The following MTRF1 variants were observed in gnomAD, a reference collection of about 807,000 sequenced individuals.
MTRF1 encodes the protein peptide chain release factor 1, mitochondrial.
Under a neutral mutation model 62.9 loss-of-function variants are expected in MTRF1, and 51 were observed. The ratio of observed to expected loss-of-function variants is 0.81; its 90% CI spans 0.65 to 1.02. The LOEUF is 1.02. Among genes scored for constraint, MTRF1 ranks in the 50% least tolerant of loss-of-function variants. The probability of loss-of-function intolerance (pLI) is 0.00; values close to 1 mark genes in which losing one functional copy is unlikely to be tolerated. For missense variants in MTRF1, 446 were observed against 530.0 expected (o/e 0.84, Z 1.56); for synonymous variants, 158 against 181.9 (o/e 0.87, Z 1.06).
At chr13:41,258,081 C>T (rs890108804) in intron 2 of MTRF1, among the ~76,000 whole-genome samples, 1 of 152,212 alleles carries the variant, frequency 6.6e-6, no homozygotes, top group Non-Finnish European at 1.5e-5. Flanking sequence ...TTCTACTATA[C>T]ACAAGCAACC....
chr13:41,311,616 G>C, the MTRF1 span: 2 of 1,587,216 alleles, frequency 1.3e-6, no homozygotes, highest in South Asian at 1.1e-5. Flanking sequence ...CCGCCCCCCG[G>C]TCCCCGGGTC....
rs1353963105 is a variant in MTRF1, at chr13:41,233,974, T to C, written c.904A>G (p.Ile302Val). The C allele has an allele frequency of 2.1e-5, 34 of 1,614,032 alleles. No homozygotes were observed. Among genetic ancestry groups the C allele is most frequent in the Non-Finnish European group, 2.9e-5 (34 of 1,179,992 alleles). Residue 302 changes from isoleucine to valine, a missense_variant, in exon 7 of 10, where the codon ATA becomes GTA. Ile to Val is a conservative substitution (Grantham distance 29). Transcript: ENST00000379480. ...GCTCCTTTGGCTCGAAATGTATCTATTCGCAAATCCTTGGGGTCCAATTTC... is the reference window on the plus strand; with the variant it reads ...GCTCCTTTGGCTCGAAATGTATCTACTCGCAAATCCTTGGGGTCCAATTTC... The part of the protein sequence containing the change: ...DVKLDPKDLR[I>V]DTFRAKGAGG...
At chr13:41,223,917 C>T (rs1239436296) in intron 8 of MTRF1, among the ~76,000 whole-genome samples, 1 of 152,136 alleles carries the variant, frequency 6.6e-6, no homozygotes, top group Admixed American at 6.6e-5. Context: ...GATTAATCTC[C>T]AATTTTTTTG....
chr13:41,283,543 G>C, the MTRF1 span, among the ~76,000 whole-genome samples: 1 of 146,486 alleles, frequency 6.8e-6, no homozygotes, highest in African/African-American at 2.5e-5. Context: ...TTCATACCAG[G>C]ACTCCAGCTT....
chr13:41,216,912 G>C lies in MTRF1; in HGVS notation c.*203C>G, dbSNP rs2032008121. 2.9e-6 allele frequency: 1 copy of C among 349,974 alleles called. No individual in the cohort carries two copies. The highest frequency in any genetic ancestry group is 2.1e-5 in the African/African-American group (1 of 47,300). 21.7% of individuals were successfully genotyped at this position (349,974 alleles called of 1,614,324 possible). ...TGCATGCTTATTTTCTACTTGATGA[G>C]TTGGATTGTACTTTACAGGAAACCT... On this transcript the variant is annotated 3_prime_UTR_variant, in exon 10 of 10. Coordinates refer to ENST00000379480, the MANE Select transcript of MTRF1 (RefSeq NM_004294.4).
At chr13:41,273,916 C>G in the MTRF1 span, among the ~76,000 whole-genome samples, 3 of 152,186 alleles carry the variant, frequency 2.0e-5, no homozygotes, top group Non-Finnish European at 4.4e-5. Flanking sequence ...GGTGGGACAA[C>G]TCCAAGCTGG....
At position 41,251,570 on chromosome 13, in the gene MTRF1, C is replaced by T. The variant is rs923802776; in HGVS notation, c.697+1075G>A. On this transcript the variant is annotated intron_variant, in intron 5 of 9. Transcript: ENST00000379480. The stretch of plus-strand genomic sequence containing the variant: ...GCTCAGGTTGTTTCTTCTCTCTGCT[C>T]TCATGGATAATCCCCTTTCCTGACC... Among the ~76,000 whole-genome samples the T allele has an allele frequency of 2.6e-5, 4 of 152,188 alleles. No homozygotes were observed. The East Asian group carries it at 5.8e-4, about 22-fold the overall frequency.
At chr13:41,250,741 T>C (rs1384550313) in intron 5 of MTRF1, among the ~76,000 whole-genome samples, 2 of 152,120 alleles carry the variant, frequency 1.3e-5, no homozygotes, top group Non-Finnish European at 2.9e-5. Flanking sequence ...GCTGGGATTA[T>C]AGGCGTGAGC....
At chr13:41,277,375 G>A in the MTRF1 span, among the ~76,000 whole-genome samples, 14 of 151,960 alleles carry the variant, frequency 9.2e-5, no homozygotes, top group East Asian at 1.9e-4. Flanking sequence ...CAGATGATCC[G>A]CCTACCTGAG....
At chr13:41,223,156 T>A in intron 9 of MTRF1, 100 bp downstream of exon 9, 1 of 674,576 alleles carries the variant, frequency 1.5e-6, no homozygotes, top group Non-Finnish European at 2.3e-6. Context: ...TACTTGGTAA[T>A]ATTTTAGATA....
chr13:41,265,719 A>G (rs2040827258), upstream of MTRF1, among the ~76,000 whole-genome samples: 1 of 152,200 alleles, frequency 6.6e-6, no homozygotes, highest in Non-Finnish European at 1.5e-5. Context: ...GTGGCCACCT[A>G]CAAGCCAAGA....
chr13:41,249,288 T>C (rs938289477), intron 5 of MTRF1, among the ~76,000 whole-genome samples: 5 of 152,222 alleles, frequency 3.3e-5, no homozygotes, highest in African/African-American at 1.2e-4. Flanking sequence ...ACGCCTGTAA[T>C]CCCAGTACTT....
chr13:41,279,965 T>C, the MTRF1 span, among the ~76,000 whole-genome samples: 127 of 152,152 alleles, frequency 8.3e-4, no homozygotes, highest in Non-Finnish European at 1.4e-3. Context: ...TGAGACAGAG[T>C]TTTGCTCTGT....
the MTRF1 span, among the ~76,000 whole-genome samples, chr13:41,297,241 C>T: frequency 6.6e-6 from 1 of 152,178 alleles, no homozygotes; most frequent in African/African-American, 2.4e-5. Flanking sequence ...TCAACACTTC[C>T]ACAGTACATC....
chr13:41,289,560 T>C, the MTRF1 span, among the ~76,000 whole-genome samples: 1 of 152,166 alleles, frequency 6.6e-6, no homozygotes, highest in Non-Finnish European at 1.5e-5. Context: ...ATATGACAAC[T>C]GGTGACAGTC....
At chr13:41,309,387 C>T in the MTRF1 span, among the ~76,000 whole-genome samples, 1 of 122,354 alleles carries the variant, frequency 8.2e-6, no homozygotes, top group Non-Finnish European at 1.8e-5. Context: ...TGTGTGTTTG[C>T]CATGTTGCCC....
At chr13:41,219,097 C>T (rs1456695417) in intron 9 of MTRF1, among the ~76,000 whole-genome samples, 2 of 152,000 alleles carry the variant, frequency 1.3e-5, no homozygotes, top group East Asian at 3.9e-4. Context: ...TTGAGACCAG[C>T]CTGGCCAACA....
chr13:41,219,998 C>CAAAA (rs71086550), intron 9 of MTRF1, among the ~76,000 whole-genome samples: 1,016 of 70,222 alleles, frequency 0.014, 45 homozygotes, highest in Non-Finnish European at 0.021. Flanking sequence ...ACCTCTGTCT[C>CAAAA]AAAAAAAAAA....
At chr13:41,311,688 G>T in the MTRF1 span, 3 of 1,025,664 alleles carry the variant, frequency 2.9e-6, no homozygotes, top group South Asian at 4.3e-5. Context: ...GGCCTCCGCT[G>T]CCCACCGCTC....
Sources: allele counts gnomAD v4.1 joint callset (sites outside exome capture counted in the v4.1 genomes callset), GRCh38; gene constraint gnomAD v4.1.1; transcripts MANE v1.5; gene names NCBI Gene and HGNC (gene_info 2026-07-23, HGNC 2026-07-21).